The following EYS variants were observed in gnomAD, a reference collection of about 807,000 sequenced individuals.
The protein encoded by EYS is EGF-like photoreceptor maintenance factor, also known as protein eyes shut homolog.
In EYS, 250 loss-of-function variants were observed where a neutral mutation model predicts 282.1. The ratio of observed to expected loss-of-function variants is 0.89; its 90% CI spans 0.80 to 0.98. The LOEUF (loss-of-function observed/expected upper bound fraction) is 0.98, where lower values mean the gene tolerates loss of function less well. Ranked by LOEUF, EYS falls within the 50% of genes least tolerant of loss-of-function variation. The probability of loss-of-function intolerance (pLI) is 0.00; values close to 1 mark genes in which losing one functional copy is unlikely to be tolerated. For missense variants in EYS, 4,016 were observed against 3,709.0 expected (o/e 1.08, Z -2.15); for synonymous variants, 1,355 against 1,282.9 (o/e 1.06, Z -1.20).
At chr6:64,240,639 A>G (rs1290808973) in intron 30 of EYS, among the ~76,000 whole-genome samples, 1 of 152,188 alleles carries the variant, frequency 6.6e-6, no homozygotes, top group Non-Finnish European at 1.5e-5. Flanking sequence ...TATCAGCTTA[A>G]GGAAATTTGG....
chr6:65,559,628 CTA>C (rs1426763437), intron 2 of EYS, among the ~76,000 whole-genome samples: 1 of 152,042 alleles, frequency 6.6e-6, no homozygotes, highest in East Asian at 1.9e-4. Context: ...AGAAGAAATA[CTA>C]TGTTTTTACT....
chr6:64,291,050 C>T (rs937178614), intron 30 of EYS, among the ~76,000 whole-genome samples: 15 of 150,184 alleles, frequency 1.0e-4, no homozygotes, highest in South Asian at 6.4e-4. Flanking sequence ...TATTACGGAG[C>T]GGGTATATAA....
chr6:64,858,716 A>C (rs2150046898), intron 19 of EYS, among the ~76,000 whole-genome samples: 1 of 152,302 alleles, frequency 6.6e-6, no homozygotes, highest in Non-Finnish European at 1.5e-5. Context: ...AATTAAATAA[A>C]ATTAAGAAAA....
intron 13 of EYS, among the ~76,000 whole-genome samples, chr6:65,050,600 T>G (rs925179174): frequency 4.0e-5 from 6 of 151,628 alleles, no homozygotes; most frequent in African/African-American, 1.4e-4. Flanking sequence ...GATGGTTGTT[T>G]GGGTAGCCCA....
intron 33 of EYS, among the ~76,000 whole-genome samples, chr6:64,016,746 G>C (rs1768912007): frequency 6.6e-6 from 1 of 152,264 alleles, no homozygotes; most frequent in African/African-American, 2.4e-5. Context: ...ACAGTGCTGG[G>C]ATTACAGGTG....
intron 8 of EYS, 113 bp downstream of exon 8, chr6:65,384,273 T>C: frequency 2.9e-6 from 2 of 685,136 alleles, no homozygotes; most frequent in Non-Finnish European, 5.3e-6. Context: ...TAAATATAGA[T>C]ATAAGGATAT....
At chr6:64,662,184 G>A (rs1389876870) in intron 22 of EYS, among the ~76,000 whole-genome samples, 1 of 137,882 alleles carries the variant, frequency 7.3e-6, no homozygotes, top group Non-Finnish European at 1.5e-5. Flanking sequence ...ACTGAACAAT[G>A]AGAACACATG....
rs563118892 is a variant in EYS, at chr6:64,381,315, T to C, written c.6078+7375A>G. ...CGTTCTTACGTGGTTATCCCTGTACTGATTTCTAAGTTTTCTAGTCCTTTA... is the reference window on the plus strand; with the variant it reads ...CGTTCTTACGTGGTTATCCCTGTACCGATTTCTAAGTTTTCTAGTCCTTTA... On this transcript the variant is annotated intron_variant, in intron 29 of 42. Transcript: ENST00000503581. 5.3e-5 allele frequency among the ~76,000 whole-genome samples: 8 copies of C among 152,306 alleles called. 1 individual carries two copies. The South Asian group carries it at 1.4e-3, about 28-fold the overall frequency.
At chr6:64,841,639 G>A (rs1168676201) in intron 19 of EYS, among the ~76,000 whole-genome samples, 1 of 152,120 alleles carries the variant, frequency 6.6e-6, no homozygotes, top group East Asian at 1.9e-4. Context: ...ACATCAACAG[G>A]AAGTGATATG....
At chr6:65,344,929 G>A (rs9453257) in intron 9 of EYS, among the ~76,000 whole-genome samples, 6,916 of 151,666 alleles carry the variant, frequency 0.046, 507 homozygotes, top group African/African-American at 0.16. Flanking sequence ...TCAGAGGACA[G>A]TATTTATCTA....
chr6:65,690,177 A>G (rs904106019), intron 1 of EYS, among the ~76,000 whole-genome samples: 1 of 150,148 alleles, frequency 6.7e-6, no homozygotes, highest in African/African-American at 2.4e-5. Flanking sequence ...AAACAGAAAC[A>G]GTCTTTCTAT....
chr6:65,106,127 A>G (rs577157750), intron 12 of EYS, among the ~76,000 whole-genome samples: 1 of 152,030 alleles, frequency 6.6e-6, no homozygotes, highest in South Asian at 2.1e-4. Context: ...GAAAAATTAG[A>G]CACAAAGAAA....
At chr6:65,137,990 T>TA (rs1021227421) in intron 12 of EYS, among the ~76,000 whole-genome samples, 1 of 151,868 alleles carries the variant, frequency 6.6e-6, no homozygotes, top group African/African-American at 2.4e-5. Flanking sequence ...AATGCCTAAA[T>TA]AAAAAAAGAA....
chr6:64,739,587 A>G (rs1311084546), intron 22 of EYS, among the ~76,000 whole-genome samples: 1 of 152,160 alleles, frequency 6.6e-6, no homozygotes, highest in Non-Finnish European at 1.5e-5. Context: ...TATTTTCTCT[A>G]TATCCCAGTT....
intron 1 of EYS, among the ~76,000 whole-genome samples, chr6:65,699,171 G>A (rs1018257239): frequency 2.6e-5 from 4 of 151,922 alleles, no homozygotes; most frequent in East Asian, 1.9e-4. Flanking sequence ...ATACGTATTC[G>A]TTTTAGATCA....
At chr6:65,560,969 TA>T (rs1769031551) in intron 2 of EYS, among the ~76,000 whole-genome samples, 1 of 152,160 alleles carries the variant, frequency 6.6e-6, no homozygotes, top group East Asian at 1.9e-4. Flanking sequence ...GGTACTTTGT[TA>T]TTTTTTCATC....
chr6:64,589,768 G>A (rs1475497992), intron 26 of EYS, among the ~76,000 whole-genome samples: 3 of 151,918 alleles, frequency 2.0e-5, no homozygotes, highest in African/African-American at 4.8e-5. Context: ...GATATACCAT[G>A]CCATAGAGGA....
At chr6:64,097,496 C>T (rs1352439272) in intron 31 of EYS, among the ~76,000 whole-genome samples, 1 of 152,182 alleles carries the variant, frequency 6.6e-6, no homozygotes, top group Non-Finnish European at 1.5e-5. Context: ...GCAGTTTGAT[C>T]TCAGACTGCT....
Position 64,545,365 on chromosome 6 carries a change from G to C in EYS, c.5644+44858C>G, listed in dbSNP as rs569792843. Among the ~76,000 whole-genome samples the C allele has an allele frequency of 1.2e-4, 18 of 152,178 alleles. No individual in the cohort carries two copies. The East Asian group carries it at 3.5e-3, about 29-fold the overall frequency. On this transcript the variant is annotated intron_variant, in intron 26 of 42. Transcript: ENST00000503581. ...TCAATAAATTAGGTATTGATGGGAC[G>C]TATCTCAAAATAATAAGAGCTATCT...
Sources: allele counts gnomAD v4.1 joint callset (sites outside exome capture counted in the v4.1 genomes callset), GRCh38; gene constraint gnomAD v4.1.1; transcripts MANE v1.5; gene names NCBI Gene and HGNC (gene_info 2026-07-23, HGNC 2026-07-21).